OMA1: variants seen among roughly 807,000 people sequenced by gnomAD.
OMA1 encodes the protein metalloendopeptidase OMA1, mitochondrial.
A neutral mutation model predicts 30.9 loss-of-function variants in OMA1; 38 were observed. The observed-to-expected ratio is 1.23, with a 90% CI of 0.95 to 1.61. The LOEUF (loss-of-function observed/expected upper bound fraction) is 1.61, where lower values mean the gene tolerates loss of function less well. Among genes scored for constraint, OMA1 ranks in the 40% most tolerant of loss-of-function variants. OMA1 has a pLI of 0.00. For synonymous variants in OMA1, 173 were observed against 121.9 expected, an observed-to-expected ratio of 1.42 and a Z score of -2.76; for missense variants, 461 against 349.2, an observed-to-expected ratio of 1.32 and a Z score of -2.55.
At chr1:58,537,233 G>C (rs1396651387) in intron 2 of OMA1, among the ~76,000 whole-genome samples, 1 of 152,098 alleles carries the variant, frequency 6.6e-6, no homozygotes, top group East Asian at 1.9e-4. Flanking sequence ...TGACCACTTA[G>C]CCACTTAATA....
intron 8 of OMA1, among the ~76,000 whole-genome samples, chr1:58,484,108 A>G (rs1231940743): frequency 6.6e-6 from 1 of 152,170 alleles, no homozygotes. Flanking sequence ...TAATACAACA[A>G]ATATTTAGAA....
At chr1:58,485,058 T>C (rs1188457029) in intron 8 of OMA1, among the ~76,000 whole-genome samples, 1 of 151,928 alleles carries the variant, frequency 6.6e-6, no homozygotes, top group Non-Finnish European at 1.5e-5. Flanking sequence ...GTGATAATGA[T>C]GGGTCAACAT....
rs182772754 is a variant in OMA1, at chr1:58,528,030, T to A, written c.1141-695A>T. On this transcript the variant is annotated intron_variant, in intron 6 of 8. Coordinates refer to ENST00000371226, the MANE Select transcript of OMA1 (RefSeq NM_145243.5). ...GGACTTTTGAGAAAAGAGCTATTAA[T>A]TGGGGAAGCAATCTTTCAAAGGTAG... 3.5e-4 allele frequency among the ~76,000 whole-genome samples: 53 copies of A among 152,366 alleles called. No homozygotes were observed. The East Asian group carries it at 9.0e-3, about 26-fold the overall frequency.
chr1:58,536,729 T>C lies in OMA1; in HGVS notation c.513A>G (p.Lys171=). ...FAIIVGRGIR[K]WWQALPPNKK... The stretch of plus-strand genomic sequence containing the variant: ...TGTTAGGAGGAAGTGCCTGCCACCA[T>C]TTCCTTATGCCCCTAAAGCAAAAAG... The change falls in exon 3 of 9, where the codon AAA becomes AAG. Residue 171 remains lysine (K), a synonymous_variant. Transcript: ENST00000371226. 1.1e-6 allele frequency: 1 copy of C among 872,536 alleles called. No individual in the cohort carries two copies. The highest frequency in any genetic ancestry group is 2.0e-6 in the Non-Finnish European group (1 of 501,486). 54.0% of individuals were successfully genotyped at this position (872,536 alleles called of 1,614,324 possible).
chr1:58,529,815 T>C (rs1386114073), intron 6 of OMA1, among the ~76,000 whole-genome samples: 1 of 152,172 alleles, frequency 6.6e-6, no homozygotes, highest in African/African-American at 2.4e-5. Flanking sequence ...TTACAAGTAA[T>C]CTAGAGATGA....
Position 58,497,098 on chromosome 1 carries a change from T to C in OMA1, c.1365+8962A>G, listed in dbSNP as rs75329925. On this transcript the variant is annotated intron_variant, in intron 8 of 8. Coordinates refer to ENST00000371226, the MANE Select transcript of OMA1 (RefSeq NM_145243.5). ...CACCTATAAAATATCCTTCCCAAAA[T>C]TTAATCTCTATTTACAGGTATATAT... Among the ~76,000 whole-genome samples the C allele has an allele frequency of 5.4e-3, 823 of 152,294 alleles. 6 individuals carry two copies. The highest frequency in any genetic ancestry group is 0.019 in the African/African-American group (789 of 41,556).
At chr1:58,509,738 C>T (rs6587820) in intron 7 of OMA1, among the ~76,000 whole-genome samples, 44,336 of 150,926 alleles carry the variant, frequency 0.29, 7,090 homozygotes, top group African/African-American at 0.41. Flanking sequence ...ATTTACAAAA[C>T]TGACAAGTCG....
At chr1:58,540,085 A>G (rs574247597) in intron 1 of OMA1, among the ~76,000 whole-genome samples, 2 of 152,296 alleles carry the variant, frequency 1.3e-5, no homozygotes, top group South Asian at 4.1e-4. Context: ...CACACAGGGC[A>G]TGGTATACTG....
At chr1:58,492,413 A>T (rs567881406) in intron 8 of OMA1, among the ~76,000 whole-genome samples, 1 of 150,744 alleles carries the variant, frequency 6.6e-6, no homozygotes, top group Non-Finnish European at 1.5e-5. Flanking sequence ...AATAACTAAG[A>T]TCAGAGCAGA....
intron 7 of OMA1, among the ~76,000 whole-genome samples, chr1:58,515,094 G>T (rs1646139231): frequency 6.6e-6 from 1 of 152,046 alleles, no homozygotes; most frequent in Non-Finnish European, 1.5e-5. Flanking sequence ...ACCTCCACAG[G>T]TTCATCATTT....
intron 8 of OMA1, among the ~76,000 whole-genome samples, chr1:58,505,379 A>C (rs543107300): frequency 6.6e-6 from 1 of 152,262 alleles, no homozygotes; most frequent in African/African-American, 2.4e-5. Flanking sequence ...GAGAGCGTGT[A>C]ACGTGGCTCA....
intron 8 of OMA1, among the ~76,000 whole-genome samples, chr1:58,491,534 G>A (rs1645690195): frequency 6.6e-6 from 1 of 152,094 alleles, no homozygotes; most frequent in Admixed American, 6.5e-5. Context: ...CACGTGCAGA[G>A]ACACACATAG....
chr1:58,546,257 C>A (rs1228233807), intron 1 of OMA1, among the ~76,000 whole-genome samples: 1 of 152,226 alleles, frequency 6.6e-6, no homozygotes, highest in Admixed American at 6.5e-5. Context: ...AGACGAATGC[C>A]CGACGCGCCG....
intron 7 of OMA1, among the ~76,000 whole-genome samples, chr1:58,510,572 A>G (rs1018369170): frequency 1.3e-5 from 2 of 152,166 alleles, no homozygotes; most frequent in African/African-American, 4.8e-5. Context: ...ACAAGGCAAG[A>G]ATGACCAATC....
chr1:58,504,671 A>G (rs145541780), intron 8 of OMA1, among the ~76,000 whole-genome samples: 1 of 152,358 alleles, frequency 6.6e-6, no homozygotes, highest in Non-Finnish European at 1.5e-5. Context: ...ATCAATAAGT[A>G]TCAATAAATA....
At chr1:58,491,954 G>A (rs1206485735) in intron 8 of OMA1, among the ~76,000 whole-genome samples, 1 of 152,142 alleles carries the variant, frequency 6.6e-6, no homozygotes, top group Non-Finnish European at 1.5e-5. Context: ...CAAATCAACA[G>A]AATATACATT....
At chr1:58,529,062 G>A (rs1362792198) in intron 6 of OMA1, among the ~76,000 whole-genome samples, 1 of 152,104 alleles carries the variant, frequency 6.6e-6, no homozygotes, top group African/African-American at 2.4e-5. Context: ...TTCCTGGCGG[G>A]TCAGTGACAG....
At chr1:58,538,535 A>G (rs1421737002) in intron 2 of OMA1, among the ~76,000 whole-genome samples, 1 of 152,178 alleles carries the variant, frequency 6.6e-6, no homozygotes, top group Non-Finnish European at 1.5e-5. Flanking sequence ...TAACTTTTTA[A>G]AGAGATATTT....
intron 7 of OMA1, among the ~76,000 whole-genome samples, chr1:58,515,473 G>C (rs1646145370): frequency 6.6e-6 from 1 of 152,028 alleles, no homozygotes; most frequent in Non-Finnish European, 1.5e-5. Flanking sequence ...CTTAGGTAAA[G>C]TTTTATCATA....
Sources: gnomAD v4.1 joint callset for allele counts (sites outside exome capture counted in the v4.1 genomes callset) on GRCh38, gnomAD v4.1.1 for gene constraint, MANE v1.5 for transcripts, NCBI Gene and HGNC (gene_info 2026-07-23, HGNC 2026-07-21) for gene names.